The following SLC25A13 variants were observed in gnomAD, a reference collection of about 807,000 sequenced individuals.
The protein encoded by SLC25A13 is electrogenic aspartate/glutamate antiporter SLC25A13, mitochondrial.
SLC25A13 carries 70 observed loss-of-function variants against 85.5 expected under a neutral mutation model. That is an observed-to-expected ratio of 0.82 (90% CI 0.68 to 1.00). The LOEUF is 1.00. SLC25A13 is among the 50% of genes least tolerant of loss of function. The pLI is 0.00. For synonymous variants in SLC25A13, 259 were observed against 288.7 expected, an observed-to-expected ratio of 0.90 and a Z score of 1.04; for missense variants, 765 against 819.8, an observed-to-expected ratio of 0.93 and a Z score of 0.82.
chr7:96,227,554 A>G (rs1796367825), intron 4 of SLC25A13, among the ~76,000 whole-genome samples: 1 of 152,250 alleles, frequency 6.6e-6, no homozygotes, highest in Non-Finnish European at 1.5e-5. Flanking sequence ...TAATTAAGAT[A>G]GTATAGTATT....
At chr7:96,141,022 T>C (rs1562789775) in intron 14 of SLC25A13, among the ~76,000 whole-genome samples, 3 of 146,764 alleles carry the variant, frequency 2.0e-5, no homozygotes, top group Admixed American at 6.8e-5. Flanking sequence ...TTTCTTTCTT[T>C]TTTTTTTTTT....
intron 1 of SLC25A13, among the ~76,000 whole-genome samples, chr7:96,311,474 T>C (rs968258826): frequency 1.3e-5 from 2 of 152,082 alleles, no homozygotes; most frequent in African/African-American, 4.8e-5. Flanking sequence ...AAGTCCAAAT[T>C]GTGGGAAATT....
intron 3 of SLC25A13, among the ~76,000 whole-genome samples, chr7:96,250,373 G>T (rs1410162783): frequency 2.0e-5 from 3 of 152,160 alleles, no homozygotes; most frequent in Non-Finnish European, 2.9e-5. Flanking sequence ...AGAATAATGT[G>T]AACAGCCAAA....
At chr7:96,170,986 A>G (rs1271470658) in intron 12 of SLC25A13, among the ~76,000 whole-genome samples, 1 of 152,176 alleles carries the variant, frequency 6.6e-6, no homozygotes, top group Non-Finnish European at 1.5e-5. Flanking sequence ...ACACACCCTA[A>G]CCATGAATCC....
chr7:96,209,353 T>TACAC (rs59571646), intron 4 of SLC25A13, among the ~76,000 whole-genome samples: 4,313 of 145,384 alleles, frequency 0.03, 79 homozygotes, highest in South Asian at 0.036. Context: ...GGAAAACACA[T>TACAC]ACACACACAC....
At chr7:96,233,818 C>T (rs747138144) in intron 4 of SLC25A13, among the ~76,000 whole-genome samples, 6 of 152,252 alleles carry the variant, frequency 3.9e-5, no homozygotes, top group Non-Finnish European at 7.4e-5. Context: ...TAAGACAAGT[C>T]CCAAAGGTCT....
chr7:96,134,976 A>T (rs1413233025), intron 14 of SLC25A13, among the ~76,000 whole-genome samples: 3 of 151,912 alleles, frequency 2.0e-5, no homozygotes, highest in Non-Finnish European at 2.9e-5. Flanking sequence ...CCTGAGAAAA[A>T]GGAAGAAATG....
intron 7 of SLC25A13, among the ~76,000 whole-genome samples, chr7:96,190,154 G>A (rs574311828): frequency 6.7e-6 from 1 of 148,926 alleles, no homozygotes; most frequent in East Asian, 2.0e-4. Context: ...GTGCAATCTC[G>A]GTTCACTACA....
chr7:96,121,068 G>T lies in SLC25A13; in HGVS notation c.*123C>A. 9.5e-7 allele frequency: 1 copy of T among 1,048,272 alleles called. No homozygotes were observed. The highest frequency in any genetic ancestry group is 1.5e-6 in the Non-Finnish European group (1 of 682,102). The allele number at this position is 1,048,272 out of a possible 1,614,324, so 64.9% of individuals were successfully genotyped here. ...ATGAATGATTTCACATGATAAAAAA[G>T]CCTGGACTTGAATTTAAACAAGAGA... is the stretch of plus-strand genomic sequence containing the variant. On this transcript the variant is annotated 3_prime_UTR_variant, in exon 18 of 18. Transcript: ENST00000265631.
chr7:96,185,239 T>C (rs779886931), intron 9 of SLC25A13, among the ~76,000 whole-genome samples: 1 of 152,078 alleles, frequency 6.6e-6, no homozygotes, highest in Non-Finnish European at 1.5e-5. Flanking sequence ...ATCAAAACCA[T>C]CCTTTGACAA....
chr7:96,141,293 G>A (rs947896598), intron 14 of SLC25A13, among the ~76,000 whole-genome samples: 1 of 152,088 alleles, frequency 6.6e-6, no homozygotes, highest in South Asian at 2.1e-4. Context: ...GAAATACTGA[G>A]ATTACAGACG....
intron 4 of SLC25A13, among the ~76,000 whole-genome samples, chr7:96,216,078 C>T (rs1157961591): frequency 6.6e-6 from 1 of 151,958 alleles, no homozygotes; most frequent in African/African-American, 2.4e-5. Flanking sequence ...ATTGCTTGAA[C>T]CCCTGAGGCG....
chr7:96,170,390 A>T (rs1290893044), intron 12 of SLC25A13, among the ~76,000 whole-genome samples: 1 of 152,240 alleles, frequency 6.6e-6, no homozygotes, highest in Non-Finnish European at 1.5e-5. Flanking sequence ...ATGTTCTGCA[A>T]TTAGAATAGC....
At chr7:96,247,079 T>C (rs1294912899) in intron 3 of SLC25A13, among the ~76,000 whole-genome samples, 1 of 152,232 alleles carries the variant, frequency 6.6e-6, no homozygotes, top group Non-Finnish European at 1.5e-5. Flanking sequence ...CAATTACATG[T>C]GTGGTTCTTT....
At chr7:96,132,650 A>C (rs1362302004) in intron 14 of SLC25A13, among the ~76,000 whole-genome samples, 1 of 152,208 alleles carries the variant, frequency 6.6e-6, no homozygotes, top group African/African-American at 2.4e-5. Context: ...GAAAACCACA[A>C]CACATATATT....
intron 11 of SLC25A13, among the ~76,000 whole-genome samples, chr7:96,175,362 A>G (rs1052487499): frequency 6.6e-6 from 1 of 152,250 alleles, no homozygotes; most frequent in African/African-American, 2.4e-5. Context: ...ATAATAAATA[A>G]CAATATTATT....
At chr7:96,260,610 A>G (rs1797818730) in intron 3 of SLC25A13, among the ~76,000 whole-genome samples, 1 of 152,092 alleles carries the variant, frequency 6.6e-6, no homozygotes, top group Non-Finnish European at 1.5e-5. Context: ...GGAGGTCAAT[A>G]TTCTAATGTC....
intron 13 of SLC25A13, among the ~76,000 whole-genome samples, chr7:96,154,443 C>T (rs973462718): frequency 4.6e-5 from 7 of 151,882 alleles, no homozygotes; most frequent in Admixed American, 1.3e-4. Flanking sequence ...ACTACAGGTG[C>T]GTGCCACGAC....
chr7:96,316,895 G>A (rs1800146760), intron 1 of SLC25A13, among the ~76,000 whole-genome samples: 1 of 152,136 alleles, frequency 6.6e-6, no homozygotes, highest in Non-Finnish European at 1.5e-5. Flanking sequence ...GACAGAGTGA[G>A]GCCACAGCTG....
Sources: gnomAD v4.1 joint callset for allele counts (sites outside exome capture counted in the v4.1 genomes callset) on GRCh38, gnomAD v4.1.1 for gene constraint, MANE v1.5 for transcripts, NCBI Gene and HGNC (gene_info 2026-07-23, HGNC 2026-07-21) for gene names.